Variants in MYO16 observed in about 807,000 individuals in gnomAD.
MYO16 encodes the protein unconventional myosin-XVI.
A neutral mutation model predicts 205.3 loss-of-function variants in MYO16; 94 were observed. That is an observed-to-expected ratio of 0.46 (90% CI 0.39 to 0.54). The LOEUF is 0.54. Ranked by LOEUF, MYO16 falls within the 20% of genes least tolerant of loss-of-function variation. The pLI is 0.00. For synonymous variants in MYO16, 988 were observed against 954.0 expected (o/e 1.04, Z -0.66); for missense variants, 2,315 against 2,387.5 (o/e 0.97, Z 0.63).
At position 109,055,102 on chromosome 13, in the gene MYO16, A is replaced by C. The variant is rs143387670; in HGVS notation, c.3105A>C (p.Pro1035=). 3 of 1,588,558 alleles carry C rather than the reference A, an allele frequency of 1.9e-6. No homozygotes were observed. Among genetic ancestry groups the C allele is most frequent in the Non-Finnish European group, 2.6e-6 (3 of 1,170,616 alleles). ...TFLQRLERGD[P]VTIASQLRKS... is the part of the protein sequence containing the mutation. Reference sequence around the variant, plus strand: ...TTCAAAGATTGGAACGAGGAGATCCAGTCACCATAGCATCACAACTCAGGG... The same window carrying C: ...TTCAAAGATTGGAACGAGGAGATCCCGTCACCATAGCATCACAACTCAGGG... Residue 1035 remains proline (P), a synonymous_variant, in exon 26 of 35, where the codon CCA becomes CCC. Transcript: ENST00000457511. This position sits in a 1 kb window ranked among gnomAD's most constrained non-coding sequence, Gnocchi z 5.0.
chr13:108,664,090 A>G (rs1029131558), intron 1 of MYO16, among the ~76,000 whole-genome samples: 1 of 152,172 alleles, frequency 6.6e-6, no homozygotes, highest in Non-Finnish European at 1.5e-5. Context: ...ACTGTTGTCT[A>G]TTTGCGTTTA....
At chr13:109,061,598 G>T (rs1367660) in intron 27 of MYO16, among the ~76,000 whole-genome samples, 75,230 of 151,996 alleles carry the variant, frequency 0.49, 18,645 homozygotes, top group Middle Eastern at 0.55. Context: ...ACGTATTGAT[G>T]AAGTTTGTTT....
At chr13:108,949,922 T>C (rs1883079064) in intron 16 of MYO16, among the ~76,000 whole-genome samples, 1 of 151,316 alleles carries the variant, frequency 6.6e-6, no homozygotes, top group Non-Finnish European at 1.5e-5. Context: ...TACAAAACAA[T>C]CGAGTGGAGG....
At chr13:108,524,740 G>T in the MYO16 span, among the ~76,000 whole-genome samples, 1 of 152,090 alleles carries the variant, frequency 6.6e-6, no homozygotes, top group African/African-American at 2.4e-5. Context: ...AACCTCTGGA[G>T]CATGGATTGG....
At chr13:109,066,051 C>G (rs1359616546) in intron 27 of MYO16, among the ~76,000 whole-genome samples, 1 of 152,124 alleles carries the variant, frequency 6.6e-6, no homozygotes, top group Admixed American at 6.6e-5. Context: ...ATTTAGCTTG[C>G]CTAAATGACA....
In MYO16 at chr13:108,984,888, G is replaced by A. The variant is rs765753995; in HGVS notation, c.2370-7488G>A. Among the ~76,000 whole-genome samples, 6 of 152,280 alleles carry A rather than the reference G, an allele frequency of 3.9e-5. No homozygotes were observed. The East Asian group carries it at 7.7e-4, about 20-fold the overall frequency. On this transcript the variant is annotated intron_variant, in intron 20 of 34. Transcript: ENST00000457511. ...AAGATCACTGGGCTAACTTGATTCC[G>A]AGTCCTGAATCCTGATGCTGAACCT...
At chr13:109,134,817 A>G (rs1194581744) in intron 31 of MYO16, among the ~76,000 whole-genome samples, 1 of 152,164 alleles carries the variant, frequency 6.6e-6, no homozygotes. Context: ...GAAAGGAGAA[A>G]CAGATTCTAC....
At chr13:108,949,044 TAC>T (rs1413201229) in intron 16 of MYO16, among the ~76,000 whole-genome samples, 1 of 152,220 alleles carries the variant, frequency 6.6e-6, no homozygotes, top group Non-Finnish European at 1.5e-5. Flanking sequence ...CAGTTGTTGT[TAC>T]AGACTTATTT....
intron 1 of MYO16, among the ~76,000 whole-genome samples, chr13:108,639,014 A>G (rs1200195352): frequency 1.3e-5 from 2 of 152,284 alleles, no homozygotes; most frequent in African/African-American, 4.8e-5. Flanking sequence ...AAAGAGATGG[A>G]GAAAGAAGAA....
At chr13:109,034,629 A>T (rs1230195496) in intron 23 of MYO16, among the ~76,000 whole-genome samples, 1 of 152,202 alleles carries the variant, frequency 6.6e-6, no homozygotes, top group East Asian at 1.9e-4. Context: ...ACAACATGTA[A>T]CATATTTTAC....
At chr13:108,981,452 C>G (rs1313084610) in intron 20 of MYO16, among the ~76,000 whole-genome samples, 2 of 152,214 alleles carry the variant, frequency 1.3e-5, no homozygotes, top group Non-Finnish European at 2.9e-5. Flanking sequence ...TTTTTCCTTT[C>G]CCTTTGAATT....
At chr13:108,753,268 G>C (rs1292352191) in intron 4 of MYO16, among the ~76,000 whole-genome samples, 1 of 151,066 alleles carries the variant, frequency 6.6e-6, no homozygotes, top group Admixed American at 6.6e-5. Flanking sequence ...GACTTGGGAG[G>C]CTGAGGCAGG....
chr13:108,718,979 A>G lies in MYO16; in HGVS notation c.363+6248A>G, dbSNP rs1024368289. 3.5e-4 allele frequency among the ~76,000 whole-genome samples: 54 copies of G among 152,146 alleles called. 1 individual carries two copies. Among genetic ancestry groups the G allele is most frequent in the Admixed American group, 3.0e-3 (46 of 15,280 alleles). On this transcript the variant is annotated intron_variant, in intron 3 of 34. Coordinates refer to ENST00000457511, the MANE Select transcript of MYO16 (RefSeq NM_001198950.3). ...TGCTTTAAATGCTACTGGAAACCCA[A>G]TGGATGAGTTTTCCATTTTTTAGGA... is the stretch of plus-strand genomic sequence containing the variant.
chr13:108,505,118 G>A, the MYO16 span, among the ~76,000 whole-genome samples: 1 of 152,058 alleles, frequency 6.6e-6, no homozygotes, highest in African/African-American at 2.4e-5. Flanking sequence ...GATGGACATG[G>A]GTGTGCAAGT....
chr13:108,651,465 G>A (rs1481526769), intron 1 of MYO16, among the ~76,000 whole-genome samples: 1 of 152,164 alleles, frequency 6.6e-6, no homozygotes, highest in African/African-American at 2.4e-5. Flanking sequence ...ATATGGTAAG[G>A]GAAATAGTAA....
chr13:108,725,556 C>T (rs543575542), intron 3 of MYO16, among the ~76,000 whole-genome samples: 1 of 152,174 alleles, frequency 6.6e-6, no homozygotes, highest in East Asian at 1.9e-4. Context: ...AGTACTCTAC[C>T]CAGTGCTCTG....
intron 20 of MYO16, among the ~76,000 whole-genome samples, chr13:108,972,351 CAT>C (rs869041443): frequency 0.053 from 917 of 17,414 alleles, 281 homozygotes; most frequent in South Asian, 0.099. Context: ...TATATATAGC[CAT>C]ATATATATAT....
intron 7 of MYO16, among the ~76,000 whole-genome samples, chr13:108,810,191 T>G (rs1224453062): frequency 6.6e-6 from 1 of 152,222 alleles, no homozygotes; most frequent in Non-Finnish European, 1.5e-5. Flanking sequence ...TGATACATTT[T>G]AGTACTGAGG....
At position 108,914,513 on chromosome 13, in the gene MYO16, T is replaced by C. The variant is rs539605990; in HGVS notation, c.1925+4363T>C. Among the ~76,000 whole-genome samples, 4 of 152,254 alleles carry C rather than the reference T, an allele frequency of 2.6e-5. No individual in the cohort carries two copies. In the East Asian group the frequency reaches 7.7e-4, roughly 29 times the overall value. On this transcript the variant is annotated intron_variant, in intron 16 of 34. Transcript: ENST00000457511. ...CTTCCTTCAAATTCATTCTCTCTCT[T>C]CTTCCTTCATAGCAACTCACTAGAT...
Sources: allele counts gnomAD v4.1 joint callset (sites outside exome capture counted in the v4.1 genomes callset), GRCh38; gene constraint gnomAD v4.1.1; non-coding constraint Gnocchi (gnomAD v3.1); transcripts MANE v1.5; gene names NCBI Gene and HGNC (gene_info 2026-07-23, HGNC 2026-07-21).